EXOC3L2: variants seen among roughly 807,000 people sequenced by gnomAD.
EXOC3L2 encodes the protein exocyst complex component 3-like protein 2.
In EXOC3L2, 17 loss-of-function variants were observed where a neutral mutation model predicts 44.4. The observed-to-expected ratio is 0.38, with a 90% CI of 0.26 to 0.57. The LOEUF (loss-of-function observed/expected upper bound fraction) is 0.57. Ranked by LOEUF, EXOC3L2 falls within the 20% of genes least tolerant of loss-of-function variation. The probability of loss-of-function intolerance (pLI) is 0.65; values close to 1 mark genes in which losing one functional copy is unlikely to be tolerated. For missense variants in EXOC3L2, 541 were observed against 588.4 expected, an observed-to-expected ratio of 0.92 and a Z score of 0.83; for synonymous variants, 256 against 253.7, an observed-to-expected ratio of 1.01 and a Z score of -0.09.
intron 1 of EXOC3L2, among the ~76,000 whole-genome samples, chr19:45,240,871 T>C (rs1970125826): frequency 1.3e-5 from 2 of 152,068 alleles, no homozygotes; most frequent in Non-Finnish European, 2.9e-5. Flanking sequence ...ACCACCGCAT[T>C]CTGGCCTGGG....
intron 1 of EXOC3L2, among the ~76,000 whole-genome samples, chr19:45,243,082 C>T (rs1970143414): frequency 6.6e-6 from 1 of 152,098 alleles, no homozygotes; most frequent in Non-Finnish European, 1.5e-5. Context: ...TGGTATCATA[C>T]TATTTGTATC....
chr19:45,232,517 G>A (rs931801494), intron 3 of EXOC3L2, among the ~76,000 whole-genome samples: 5 of 152,068 alleles, frequency 3.3e-5, no homozygotes, highest in Non-Finnish European at 7.3e-5. Context: ...CCAGTCTTCC[G>A]GTGACAGCAT....
chr19:45,217,479 A>C (rs768898026), intron 10 of EXOC3L2, 49 bp downstream of exon 10: 1 of 1,499,256 alleles, frequency 6.7e-7, no homozygotes, highest in African/African-American at 1.5e-5. Context: ...TCGGAAGCCA[A>C]GCCTTGTCCT....
At chr19:45,222,175 T>C (rs1969904791) in intron 8 of EXOC3L2, among the ~76,000 whole-genome samples, 1 of 151,094 alleles carries the variant, frequency 6.6e-6, no homozygotes, top group Non-Finnish European at 1.5e-5. Context: ...TGTCTCTTCA[T>C]GTCTCTAGCT....
intron 10 of EXOC3L2, among the ~76,000 whole-genome samples, chr19:45,216,483 G>C (rs1031068942): frequency 2.0e-5 from 3 of 152,146 alleles, no homozygotes; most frequent in Admixed American, 6.6e-5. Flanking sequence ...GGAGGCTGAA[G>C]CAGGAGAATC....
chr19:45,239,036 G>A lies in EXOC3L2; in HGVS notation c.10C>T (p.Leu4=). 2.5e-6 allele frequency: 1 copy of A among 399,172 alleles called. No individual in the cohort carries two copies. Among genetic ancestry groups the A allele is most frequent in the Non-Finnish European group, 4.4e-6 (1 of 226,132 alleles). 24.7% of individuals were successfully genotyped at this position (399,172 alleles called of 1,614,324 possible). The change falls in exon 2 of 12, where the codon CTG becomes TTG. Residue 4 remains leucine (L), a synonymous_variant. Transcript: ENST00000413988. ...GGGTCTGACACTCCCAGATTCTTCA[G>A]GATAGGCATTTTGACAGGTGGGGAC... MPI[L]KNLGVSDPKV... is the part of the protein sequence containing the mutation.
chr19:45,231,645 C>T (rs746397338), intron 4 of EXOC3L2, 118 bp downstream of exon 4: 34 of 856,024 alleles, frequency 4.0e-5, no homozygotes, highest in Non-Finnish European at 5.4e-5. Flanking sequence ...CTCAGAAGTT[C>T]GTAAAGGGAA....
chr19:45,214,456 GTGTT>G (rs57770472), intron 11 of EXOC3L2, among the ~76,000 whole-genome samples: 209 of 151,446 alleles, frequency 1.4e-3, no homozygotes, highest in Middle Eastern at 6.8e-3. Flanking sequence ...GTTTTTTTGT[GTGTT>G]TGTTTGTTTG....
In EXOC3L2 at chr19:45,234,923, G is replaced by A. The variant is rs558383733; in HGVS notation, c.524-97C>T. 733 of 379,568 alleles carry A rather than the reference G, an allele frequency of 1.9e-3. 1 individual carries two copies. Among genetic ancestry groups the A allele is most frequent in the Middle Eastern group, 4.1e-3 (6 of 1,466 alleles). 23.5% of individuals were successfully genotyped at this position (379,568 alleles called of 1,614,324 possible). On this transcript the variant is annotated intron_variant, in intron 2 of 11. Coordinates refer to ENST00000413988, the MANE Select transcript of EXOC3L2 (RefSeq NM_001382422.1). The surrounding 1 kb of genome is among the most constrained non-coding windows in gnomAD (Gnocchi z 5.0). ...TGCTTAGGAAGGGGAGAGAGATGAG[G>A]GGAAAAGGGTTACAGGAGGCGGGAA...
chr19:45,237,821 C>T (rs1019289604), intron 2 of EXOC3L2, among the ~76,000 whole-genome samples: 15 of 152,142 alleles, frequency 9.9e-5, no homozygotes, highest in African/African-American at 3.4e-4. Context: ...AGGGCAGACC[C>T]GAATCCCATG....
In EXOC3L2 at chr19:45,234,474, G is replaced by T; in HGVS notation, c.876C>A (p.Ala292=). ...ARKLRARWAE[A]VARAARERLE... Reference sequence around the variant, plus strand: ...GGCGCTCCCGGGCCGCGCGCGCCACGGCTTCGGCCCAGCGTGCGCGTAGTT... The same window carrying T: ...GGCGCTCCCGGGCCGCGCGCGCCACTGCTTCGGCCCAGCGTGCGCGTAGTT... The change falls in exon 3 of 12, where the codon GCC becomes GCA. Residue 292 remains alanine, a synonymous_variant. Transcript: ENST00000413988. The surrounding 1 kb of genome is among the most constrained non-coding windows in gnomAD (Gnocchi z 5.0). 4.0e-6 allele frequency: 1 copy of T among 250,038 alleles called. No individual in the cohort carries two copies. The highest frequency in any genetic ancestry group is 7.2e-5 in the East Asian group (1 of 13,970). The allele number at this position is 250,038 out of a possible 1,614,324, so 15.5% of individuals were successfully genotyped here.
rs530736333 is a variant in EXOC3L2, at chr19:45,212,598, CT to C, written c.*470del. On this transcript the variant is annotated 3_prime_UTR_variant, in exon 12 of 12. Coordinates refer to ENST00000413988, the MANE Select transcript of EXOC3L2 (RefSeq NM_001382422.1). ...CTCTTTGGCCTCTGTTTCCCCCTAC[CT>C]TTTTTTTTTTTTTTTTTTTTTGAGA... The C allele has an allele frequency of 1.7e-3, 185 of 111,320 alleles. 1 individual carries two copies. Among genetic ancestry groups the C allele is most frequent in the Middle Eastern group, 0.015 (3 of 202 alleles). 6.9% of individuals were successfully genotyped at this position (111,320 alleles called of 1,614,324 possible). A position where few individuals can be genotyped will look rare whatever the true frequency, so the allele number is the denominator to read the frequency against.
chr19:45,222,624 G>C (rs566857823), intron 8 of EXOC3L2, among the ~76,000 whole-genome samples: 1 of 151,938 alleles, frequency 6.6e-6, no homozygotes, highest in African/African-American at 2.4e-5. Flanking sequence ...TGCTCTCTCT[G>C]TCTGTGTCTC....
intron 4 of EXOC3L2, among the ~76,000 whole-genome samples, chr19:45,229,425 G>A (rs113390137): frequency 1.0e-3 from 152 of 144,822 alleles, no homozygotes; most frequent in African/African-American, 3.3e-3. Flanking sequence ...TTCATAATAC[G>A]TTATTTATAT....
rs755323235 is a variant in EXOC3L2, at chr19:45,234,203, C to A, written c.1147G>T (p.Val383Phe). The A allele has an allele frequency of 1.8e-5, 7 of 397,090 alleles. No homozygotes were observed. The highest frequency in any genetic ancestry group is 3.1e-5 in the Non-Finnish European group (7 of 225,116). 24.6% of individuals were successfully genotyped at this position (397,090 alleles called of 1,614,324 possible). Residue 383 changes from valine to phenylalanine, a missense_variant, in exon 3 of 12, where the codon GTC becomes TTC. Val to Phe is a conservative substitution (Grantham distance 50). Transcript: ENST00000413988. The surrounding 1 kb of genome is among the most constrained non-coding windows in gnomAD (Gnocchi z 5.0). ...CTGAGTCCAGCTTACCTGGGGTAGACCTGATTGTGCCAGTGCAGCAGCGCG... is the reference window on the plus strand; with the variant it reads ...CTGAGTCCAGCTTACCTGGGGTAGAACTGATTGTGCCAGTGCAGCAGCGCG... Reference protein sequence around the residue: ...RYALLHWHNQVYPREVLGLVD... With the variant: ...RYALLHWHNQFYPREVLGLVD...
intron 10 of EXOC3L2, among the ~76,000 whole-genome samples, chr19:45,216,396 T>C (rs1969835640): frequency 6.6e-6 from 1 of 151,950 alleles, no homozygotes; most frequent in South Asian, 2.1e-4. Flanking sequence ...CTGGCCAGTA[T>C]GGTGAAACCC....
chr19:45,239,920 G>C (rs1345012986), intron 1 of EXOC3L2, among the ~76,000 whole-genome samples: 1 of 152,034 alleles, frequency 6.6e-6, no homozygotes, highest in Admixed American at 6.6e-5. Flanking sequence ...GTCAAGGGCA[G>C]AGATGATATG....
Position 45,227,787 on chromosome 19 carries a change from G to C in EXOC3L2, c.1473-15C>G. On this transcript the variant is annotated splice_polypyrimidine_tract_variant and intron_variant, in intron 6 of 11. Transcript: ENST00000413988. ...GCTGCTGGAAGCTGGTGGGAGGAAA[G>C]GGGACAGATAGGGCGCCACTGGGTC... The C allele has an allele frequency of 1.2e-6, 2 of 1,605,252 alleles. No homozygotes were observed. Among genetic ancestry groups the C allele is most frequent in the Middle Eastern group, 1.7e-4 (1 of 6,018 alleles).
At chr19:45,235,089 T>A (rs1239379932) in intron 2 of EXOC3L2, among the ~76,000 whole-genome samples, 5 of 151,952 alleles carry the variant, frequency 3.3e-5, no homozygotes, top group Non-Finnish European at 7.4e-5. Context: ...TCACTTGAGG[T>A]CAGGAGTTCA....
Sources: gnomAD v4.1 joint callset for allele counts (sites outside exome capture counted in the v4.1 genomes callset) on GRCh38, gnomAD v4.1.1 for gene constraint, Gnocchi (gnomAD v3.1) non-coding constraint, MANE v1.5 for transcripts, NCBI Gene and HGNC (gene_info 2026-07-23, HGNC 2026-07-21) for gene names.